Variants in NRXN3 observed in about 807,000 individuals in gnomAD.
The protein encoded by NRXN3 is neurexin III.
Under a neutral mutation model 137.6 loss-of-function variants are expected in NRXN3, and 32 were observed. The observed-to-expected ratio is 0.23, with a 90% CI of 0.18 to 0.31. NRXN3 has a LOEUF of 0.31. NRXN3 is among the 10% of genes least tolerant of loss of function. The pLI, the probability that NRXN3 is intolerant of heterozygous loss-of-function variation, is 1.00. For synonymous variants in NRXN3, 798 were observed against 784.5 expected, an observed-to-expected ratio of 1.02 and a Z score of -0.29; for missense variants, 1,574 against 2,062.5, an observed-to-expected ratio of 0.76 and a Z score of 4.59.
chr14:79,520,034 C>G (rs982628505), intron 16 of NRXN3, among the ~76,000 whole-genome samples: 2 of 151,698 alleles, frequency 1.3e-5, no homozygotes, highest in African/African-American at 2.4e-5. Flanking sequence ...TCAGATAACT[C>G]TTAAGTTTTC....
chr14:79,740,424 T>C (rs1006355191), intron 19 of NRXN3, among the ~76,000 whole-genome samples: 2 of 151,958 alleles, frequency 1.3e-5, no homozygotes, highest in Admixed American at 1.3e-4. Flanking sequence ...TTTCTGAGTC[T>C]GCCTTCCTGG....
chr14:78,389,101 G>T (rs2090402195), intron 4 of NRXN3, among the ~76,000 whole-genome samples: 1 of 150,562 alleles, frequency 6.6e-6, no homozygotes, highest in South Asian at 2.1e-4. Context: ...TGTTGCCCAG[G>T]CTGGAGTGCA....
rs200589996 is a variant in NRXN3, at chr14:78,955,220, T to TA, written c.2276-2015dup. 5.8e-3 allele frequency among the ~76,000 whole-genome samples: 882 copies of TA among 152,250 alleles called. 10 individuals are homozygous for TA. Among genetic ancestry groups the TA allele is most frequent in the African/African-American group, 0.019 (808 of 41,556 alleles). ...ATGTAGAATAAAGAGGATAAAAACA[T>TA]AAAAAAACAAAGACAGATTTGTTTT... On this transcript the variant is annotated intron_variant, in intron 10 of 20. Coordinates refer to ENST00000335750, the MANE Select transcript of NRXN3 (RefSeq NM_001330195.2).
At chr14:79,534,469 G>A (rs908150791) in intron 16 of NRXN3, among the ~76,000 whole-genome samples, 4 of 152,080 alleles carry the variant, frequency 2.6e-5, no homozygotes, top group Admixed American at 2.0e-4. Flanking sequence ...ACAAATAAAC[G>A]AATGTTCGAA....
intron 4 of NRXN3, among the ~76,000 whole-genome samples, chr14:78,334,072 G>A (rs1441543302): frequency 6.6e-6 from 1 of 152,198 alleles, no homozygotes; most frequent in East Asian, 1.9e-4. Context: ...TAAGCAGCAG[G>A]AAGGAAGGTA....
chr14:79,834,904 C>G (rs1287486997), intron 20 of NRXN3, among the ~76,000 whole-genome samples: 1 of 152,080 alleles, frequency 6.6e-6, no homozygotes, highest in Non-Finnish European at 1.5e-5. Context: ...AGTGACAATA[C>G]GAAACCAGAT....
intron 15 of NRXN3, among the ~76,000 whole-genome samples, chr14:79,333,951 C>T (rs1355522160): frequency 6.6e-6 from 1 of 152,048 alleles, no homozygotes; most frequent in African/African-American, 2.4e-5. Context: ...TGCTGTGTGC[C>T]GATCTTGAGC....
At chr14:79,621,050 C>G (rs1250966125) in intron 16 of NRXN3, among the ~76,000 whole-genome samples, 1 of 152,030 alleles carries the variant, frequency 6.6e-6, no homozygotes, top group Admixed American at 6.6e-5. Flanking sequence ...AAGGAGTGAT[C>G]AACACTATCA....
intron 1 of NRXN3, among the ~76,000 whole-genome samples, chr14:78,233,702 A>AAAAG (rs1271906281): frequency 6.6e-6 from 1 of 151,498 alleles, no homozygotes; most frequent in Non-Finnish European, 1.5e-5. Context: ...AAAAAAAAAA[A>AAAAG]AAAAAGAATG....
At chr14:79,283,982 A>G (rs2081737857) in intron 15 of NRXN3, among the ~76,000 whole-genome samples, 1 of 152,054 alleles carries the variant, frequency 6.6e-6, no homozygotes, top group African/African-American at 2.4e-5. Context: ...GAAGGTTTAC[A>G]TTATCCTGTT....
chr14:78,943,627 T>TATATATAA (rs2099359102), intron 10 of NRXN3, among the ~76,000 whole-genome samples: 2 of 8,814 alleles, frequency 2.3e-4, no homozygotes, highest in African/African-American at 8.4e-4. Flanking sequence ...AAAAAATATA[T>TATATATAA]ATATATATAT....
At chr14:78,995,755 A>G (rs2099528722) in intron 15 of NRXN3, among the ~76,000 whole-genome samples, 1 of 152,254 alleles carries the variant, frequency 6.6e-6, no homozygotes, top group Non-Finnish European at 1.5e-5. Flanking sequence ...ATTTAACTCC[A>G]TAATGAGAGA....
intron 4 of NRXN3, among the ~76,000 whole-genome samples, chr14:78,415,621 C>T (rs901092294): frequency 6.6e-6 from 1 of 152,088 alleles, no homozygotes; most frequent in Non-Finnish European, 1.5e-5. Flanking sequence ...TCAAGTTCTC[C>T]AAAGTGGAAG....
At chr14:78,811,393 G>A (rs925435666) in intron 10 of NRXN3, among the ~76,000 whole-genome samples, 1 of 152,132 alleles carries the variant, frequency 6.6e-6, no homozygotes, top group African/African-American at 2.4e-5. Flanking sequence ...GAGAGCTTGG[G>A]TGGTTGTGCA....
At chr14:78,628,632 G>T (rs931931571) in intron 4 of NRXN3, among the ~76,000 whole-genome samples, 1 of 152,260 alleles carries the variant, frequency 6.6e-6, no homozygotes, top group East Asian at 1.9e-4. Context: ...GTAATGGTTG[G>T]GTACAAAGAG....
intron 1 of NRXN3, among the ~76,000 whole-genome samples, chr14:78,204,151 C>A (rs573406359): frequency 6.6e-6 from 1 of 152,036 alleles, no homozygotes. Context: ...AAGTTTATGC[C>A]ATATTACCAT....
intron 16 of NRXN3, among the ~76,000 whole-genome samples, chr14:79,623,371 C>G (rs760402057): frequency 5.3e-5 from 8 of 152,154 alleles, no homozygotes; most frequent in Non-Finnish European, 1.2e-4. Flanking sequence ...GGTTTAGCTT[C>G]CATTCTTACA....
chr14:78,240,590 C>T (rs766530608), intron 1 of NRXN3, among the ~76,000 whole-genome samples: 1 of 152,178 alleles, frequency 6.6e-6, no homozygotes, highest in African/African-American at 2.4e-5. Flanking sequence ...GTAAGCTCCC[C>T]GTTAAAACCC....
intron 4 of NRXN3, among the ~76,000 whole-genome samples, chr14:78,312,248 C>T (rs2078060321): frequency 6.6e-6 from 1 of 152,176 alleles, no homozygotes; most frequent in Non-Finnish European, 1.5e-5. Context: ...CTCCAGCTTT[C>T]AAAGTTGTCA....
Sources: gnomAD v4.1 joint callset for allele counts (sites outside exome capture counted in the v4.1 genomes callset) on GRCh38, gnomAD v4.1.1 for gene constraint, MANE v1.5 for transcripts, NCBI Gene and HGNC (gene_info 2026-07-23, HGNC 2026-07-21) for gene names.